NRTN: variants seen among roughly 807,000 people sequenced by gnomAD.
NRTN encodes the protein prepro-neurturin.
In NRTN, 3 loss-of-function variants were observed where a neutral mutation model predicts 7.5. That is an observed-to-expected ratio of 0.40 (90% CI 0.18 to 1.03). The LOEUF is 1.03. Ranked by LOEUF, NRTN falls within the 50% of genes least tolerant of loss-of-function variation. The pLI is 0.34. For missense variants in NRTN, 310 were observed against 307.0 expected (o/e 1.01, Z -0.07); for synonymous variants, 157 against 146.6 (o/e 1.07, Z -0.51).
chr19:5,809,479 C>G (rs949547481), intron 1 of NRTN, among the ~76,000 whole-genome samples: 1 of 148,092 alleles, frequency 6.8e-6, no homozygotes, highest in Non-Finnish European at 1.5e-5. Context: ...CAGCCCCATC[C>G]TGGTTTTTTT....
At chr19:5,819,088 A>AG (rs1021715245) in intron 1 of NRTN, among the ~76,000 whole-genome samples, 24 of 152,298 alleles carry the variant, frequency 1.6e-4, no homozygotes, top group Admixed American at 1.3e-3. Context: ...AGCAGGGTGG[A>AG]GGGGGTCCAG....
At chr19:5,813,490 GGT>G (rs1435207848) in intron 1 of NRTN, among the ~76,000 whole-genome samples, 5 of 152,134 alleles carry the variant, frequency 3.3e-5, no homozygotes, top group Non-Finnish European at 7.3e-5. Context: ...TGGCCAACAT[GGT>G]GGAACCTCGT....
chr19:5,805,765 C>T (rs2056973448), intron 1 of NRTN, among the ~76,000 whole-genome samples: 1 of 152,086 alleles, frequency 6.6e-6, no homozygotes, highest in African/African-American at 2.4e-5. Flanking sequence ...ACGCACGGTG[C>T]CCTCCCCAGA....
At chr19:5,814,109 A>G (rs1043828430) in intron 1 of NRTN, among the ~76,000 whole-genome samples, 3 of 152,152 alleles carry the variant, frequency 2.0e-5, no homozygotes, top group African/African-American at 7.2e-5. Context: ...CACAGGCAAA[A>G]GTGTGCAGAC....
At chr19:5,815,999 CCT>C (rs1216443267) in intron 1 of NRTN, among the ~76,000 whole-genome samples, 2 of 152,092 alleles carry the variant, frequency 1.3e-5, no homozygotes, top group African/African-American at 4.8e-5. Flanking sequence ...CCCGCCTTGG[CCT>C]CTCGAAGTGC....
intron 1 of NRTN, among the ~76,000 whole-genome samples, chr19:5,820,738 GAAAAAAAAAAAAA>G (rs869276836): frequency 1.2e-3 from 48 of 39,104 alleles, no homozygotes; most frequent in South Asian, 6.1e-3. Flanking sequence ...TCTGTCTCAA[GAAAAAAAAAAAAA>G]AAAAAAAAAA....
At chr19:5,805,763 T>G (rs1434373267) in intron 1 of NRTN, among the ~76,000 whole-genome samples, 1 of 152,052 alleles carries the variant, frequency 6.6e-6, no homozygotes, top group Admixed American at 6.5e-5. Flanking sequence ...GAACGCACGG[T>G]GCCCTCCCCA....
In NRTN at chr19:5,806,705, T is replaced by G. The variant is rs556483604; in HGVS notation, c.-399+1254T>G. ...CACCCCCAGGGAGCTACAGAAAGCT[T>G]CTTCCAGGGGTGCAGGGAAGAAAAT... is the stretch of plus-strand genomic sequence containing the variant. On this transcript the variant is annotated intron_variant, in intron 1 of 2. Coordinates refer to ENST00000303212, the MANE Select transcript of NRTN (RefSeq NM_004558.5). The surrounding 1 kb of genome is among the most constrained non-coding windows in gnomAD (Gnocchi z 5.4). Among the ~76,000 whole-genome samples, 16 of 152,186 alleles carry G rather than the reference T, an allele frequency of 1.1e-4. No homozygotes were observed. Among genetic ancestry groups the G allele is most frequent in the East Asian group, 3.9e-4 (2 of 5,158 alleles).
At position 5,827,769 on chromosome 19, in the gene NRTN, G is replaced by GC; in HGVS notation, c.194dup (p.Asp66GlyfsTer174). The GC allele has an allele frequency of 1.6e-6, 2 of 1,224,484 alleles. No individual in the cohort carries two copies. The highest frequency in any genetic ancestry group is 2.0e-6 in the Non-Finnish European group (2 of 980,046). 75.9% of individuals were successfully genotyped at this position (1,224,484 alleles called of 1,614,324 possible). On this transcript the variant is annotated frameshift_variant, in exon 3 of 3. Coordinates refer to ENST00000303212, the MANE Select transcript of NRTN (RefSeq NM_004558.5). LOFTEE classifies it low-confidence loss of function (END_TRUNC). The stretch of plus-strand genomic sequence containing the variant: ...CGCAGACCGTGCACTCCTGCAGGGG[G>GC]CCCCGGATGCGATGGAGCTGCGCGA...
intron 1 of NRTN, among the ~76,000 whole-genome samples, chr19:5,808,902 C>A (rs932414453): frequency 1.3e-5 from 2 of 151,760 alleles, no homozygotes; most frequent in African/African-American, 4.8e-5. Context: ...ACTACAGGCG[C>A]CCACCACCAC....
intron 1 of NRTN, among the ~76,000 whole-genome samples, chr19:5,819,734 G>C (rs1414762889): frequency 6.6e-6 from 1 of 152,104 alleles, no homozygotes; most frequent in Non-Finnish European, 1.5e-5. Flanking sequence ...TGTGGTCCCA[G>C]TTACTTGGGA....
At chr19:5,827,049 A>G (rs954135276) in intron 2 of NRTN, among the ~76,000 whole-genome samples, 1 of 152,184 alleles carries the variant, frequency 6.6e-6, no homozygotes, top group African/African-American at 2.4e-5. Context: ...CGGATGCAGT[A>G]GGCTGCGGTA....
intron 1 of NRTN, among the ~76,000 whole-genome samples, chr19:5,818,054 C>T (rs780830244): frequency 2.0e-5 from 3 of 152,140 alleles, no homozygotes; most frequent in Non-Finnish European, 4.4e-5. Flanking sequence ...ACCTCCACCT[C>T]CCAGGTTCAA....
chr19:5,824,400 G>A, intron 2 of NRTN, 66 bp downstream of exon 2: 1 of 1,510,064 alleles, frequency 6.6e-7, no homozygotes. Context: ...AGGCAGTGGA[G>A]TGGGAGGTGG....
At position 5,824,193 on chromosome 19, in the gene NRTN, G is replaced by C. The variant is rs1432166742; in HGVS notation, c.28G>C (p.Ala10Pro). The change falls in exon 2 of 3, where the codon GCC becomes CCC. Residue 10 changes from alanine to proline, a missense_variant. By Grantham distance (27) the Ala-to-Pro change is conservative. Transcript: ENST00000303212. ...GCAGCGCTGGAAGGCGGCGGCCTTG[G>C]CCTCAGTGCTCTGCAGCTCCGTGCT... MQRWKAAAL[A>P]SVLCSSVLSI... The C allele has an allele frequency of 6.2e-7, 1 of 1,610,818 alleles. No homozygotes were observed. The highest frequency in any genetic ancestry group is 8.5e-7 in the Non-Finnish European group (1 of 1,179,920).
At chr19:5,808,412 G>C (rs1174919364) in intron 1 of NRTN, among the ~76,000 whole-genome samples, 1 of 152,188 alleles carries the variant, frequency 6.6e-6, no homozygotes, top group African/African-American at 2.4e-5. Context: ...CCAAGAGACT[G>C]GTGTGGTCAA....
At chr19:5,809,650 T>G (rs1350885940) in intron 1 of NRTN, among the ~76,000 whole-genome samples, 1 of 152,138 alleles carries the variant, frequency 6.6e-6, no homozygotes, top group Non-Finnish European at 1.5e-5. Context: ...CAGTAGGCGC[T>G]CAATAAGTGT....
chr19:5,827,847 C>G lies in NRTN; in HGVS notation c.268C>G (p.Arg90Gly). ...PPGPRRRAGP[R>G]RRRARARLGA... ...AGGTCCGCGCCGTCGGGCGGGGCCC[C>G]GGCGGCGGCGCGCGCGTGCGCGGTT... Residue 90 changes from arginine (R) to glycine (G), a missense_variant, in exon 3 of 3, where the codon CGG (arginine) becomes GGG (glycine). Transcript: ENST00000303212. 8.5e-7 allele frequency: 1 copy of G among 1,172,008 alleles called. No homozygotes were observed. The highest frequency in any genetic ancestry group is 1.0e-6 in the Non-Finnish European group (1 of 953,176). 72.6% of individuals were successfully genotyped at this position (1,172,008 alleles called of 1,614,324 possible).
intron 1 of NRTN, among the ~76,000 whole-genome samples, chr19:5,820,093 T>C (rs2057018322): frequency 1.3e-5 from 2 of 148,298 alleles, no homozygotes; most frequent in South Asian, 2.1e-4. Flanking sequence ...GGTGAAACCC[T>C]GTCTCTACTA....
Sources: gnomAD v4.1 joint callset for allele counts (sites outside exome capture counted in the v4.1 genomes callset) on GRCh38, gnomAD v4.1.1 for gene constraint, Gnocchi (gnomAD v3.1) non-coding constraint, MANE v1.5 for transcripts, NCBI Gene and HGNC (gene_info 2026-07-23, HGNC 2026-07-21) for gene names.